The following MEF2C variants were observed in gnomAD, a reference collection of about 807,000 sequenced individuals.
MEF2C encodes the protein myocyte enhancer factor 2C.
In MEF2C, 6 loss-of-function variants were observed where a neutral mutation model predicts 50.5. The ratio of observed to expected loss-of-function variants is 0.12; its 90% confidence interval spans 0.07 to 0.23. MEF2C has a LOEUF of 0.23. Among genes scored for constraint, MEF2C ranks in the 10% least tolerant of loss-of-function variants. The pLI is 1.00. For missense variants in MEF2C, 276 were observed against 605.0 expected (o/e 0.46, Z 5.70); for synonymous variants, 183 against 228.0 (o/e 0.80, Z 1.78).
chr5:88,850,084 C>G (rs116008773), intron 1 of MEF2C, among the ~76,000 whole-genome samples: 2,695 of 140,326 alleles, frequency 0.019, 39 homozygotes, highest in East Asian at 0.081. Flanking sequence ...TATCCCTCCC[C>G]GCCCCCCAAC....
intron 3 of MEF2C, among the ~76,000 whole-genome samples, chr5:88,797,936 T>G (rs1315491251): frequency 6.6e-6 from 1 of 152,252 alleles, no homozygotes; most frequent in Admixed American, 6.5e-5. Flanking sequence ...AATTCTGGGT[T>G]GAAAATTCTT....
chr5:88,751,794 T>C (rs1772875372), intron 5 of MEF2C, 63 bp downstream of exon 5: 2 of 1,534,144 alleles, frequency 1.3e-6, no homozygotes, highest in Non-Finnish European at 1.8e-6. Context: ...AAAGCAGTGT[T>C]GGCTTTGCCG....
intron 1 of MEF2C, among the ~76,000 whole-genome samples, chr5:88,890,081 CA>C (rs1834377531): frequency 6.6e-6 from 1 of 152,118 alleles, no homozygotes; most frequent in African/African-American, 2.4e-5. Context: ...ACACGGGCCC[CA>C]AACTGGATTT....
intron 1 of MEF2C, chr5:88,888,900 A>C (rs1331809215): frequency 6.6e-6 from 1 of 152,210 alleles, no homozygotes; most frequent in East Asian, 1.9e-4. Context: ...AAATTGTTAA[A>C]TGTTGTTCAT....
intron 3 of MEF2C, chr5:88,771,629 C>G: frequency 1.0e-6 from 1 of 985,048 alleles, no homozygotes; most frequent in Non-Finnish European, 1.2e-6. Flanking sequence ...GTGGACTCAA[C>G]CAAGATTCTC....
intron 8 of MEF2C, 130 bp downstream of exon 8, chr5:88,730,081 G>A: frequency 1.3e-6 from 1 of 760,534 alleles, no homozygotes; most frequent in East Asian, 3.1e-5. Context: ...AGAAATTAAT[G>A]GTATTTAAAC....
chr5:88,728,585 A>G lies in MEF2C; in HGVS notation c.1008T>C (p.Phe336=). 1 of 1,531,230 alleles carries G rather than the reference A, an allele frequency of 6.5e-7. No individual in the cohort carries two copies. Among genetic ancestry groups the G allele is most frequent in the South Asian group, 1.3e-5 (1 of 79,750 alleles). The allele number at this position is 1,531,230 out of a possible 1,614,324, so 94.9% of individuals were successfully genotyped here. A position where few individuals can be genotyped will look rare whatever the true frequency, so the allele number is the denominator to read the frequency against. ...CAAGGTGAAGAGCGCTGGCGGTGTT[A>G]AACCCAGACAGAGATGACAGGTCTG... ...SSADLSSLSG[F]NTASALHLGS... Residue 336 remains phenylalanine, a synonymous_variant, in exon 10 of 11, where the codon TTT becomes TTC. Coordinates refer to ENST00000504921, the MANE Select transcript of MEF2C (RefSeq NM_002397.5).
rs529311363 is a variant in MEF2C, at chr5:88,873,551, G to A, written c.-143+9404C>T. ...AAGCTATAAAATGAGAGAAGCGGAG[G>A]GAAAAAATCACATAACGCTCACTCT... On this transcript the variant is annotated intron_variant, in intron 1 of 10. Transcript: ENST00000504921. Among the ~76,000 whole-genome samples the A allele has an allele frequency of 2.4e-3, 360 of 151,854 alleles. 1 individual carries two copies. The highest frequency in any genetic ancestry group is 3.4e-3 in the Non-Finnish European group (229 of 67,844).
intron 3 of MEF2C, among the ~76,000 whole-genome samples, chr5:88,764,831 G>C (rs890949984): frequency 3.4e-5 from 4 of 119,334 alleles, no homozygotes; most frequent in Non-Finnish European, 5.5e-5. Flanking sequence ...AAAAAAAAAA[G>C]AAGTAGAAAT....
At chr5:88,778,624 G>A (rs1488767719) in intron 3 of MEF2C, among the ~76,000 whole-genome samples, 1 of 151,978 alleles carries the variant, frequency 6.6e-6, no homozygotes, top group African/African-American at 2.4e-5. Context: ...CAAAATCATG[G>A]GTATATAATC....
At chr5:88,766,630 T>A in intron 3 of MEF2C, 5 of 985,148 alleles carry the variant, frequency 5.1e-6, no homozygotes, top group Non-Finnish European at 6.0e-6. Context: ...TTCATCATCA[T>A]CCTTTTCCTG....
chr5:88,892,483 C>A (rs79532317), intron 1 of MEF2C, among the ~76,000 whole-genome samples: 2,339 of 152,236 alleles, frequency 0.015, 23 homozygotes, highest in African/African-American at 0.018. Flanking sequence ...CACTTCTATA[C>A]CATTAAGTTC....
At chr5:88,842,541 GA>G (rs368624008) in intron 1 of MEF2C, among the ~76,000 whole-genome samples, 6,183 of 139,078 alleles carry the variant, frequency 0.044, 130 homozygotes, top group African/African-American at 0.045. Context: ...CAACAATATG[GA>G]AAAAAAAAAA....
At chr5:88,825,232 A>G (rs1430355330) in intron 1 of MEF2C, among the ~76,000 whole-genome samples, 2 of 150,716 alleles carry the variant, frequency 1.3e-5, no homozygotes, top group Non-Finnish European at 3.0e-5. Flanking sequence ...TGATTTCTTT[A>G]ATTTAATTTC....
intron 3 of MEF2C, among the ~76,000 whole-genome samples, chr5:88,779,760 G>GTT (rs70996493): frequency 0.54 from 78,912 of 147,084 alleles, 22,479 homozygotes; most frequent in Non-Finnish European, 0.65. Flanking sequence ...GCAAAGTGAG[G>GTT]TTTTTTTTTT....
intron 1 of MEF2C, among the ~76,000 whole-genome samples, chr5:88,846,230 G>A (rs112441191): frequency 0.018 from 2,690 of 152,068 alleles, 77 homozygotes; most frequent in African/African-American, 0.061. Flanking sequence ...ACCACGCCAG[G>A]CTAATTTTTG....
In MEF2C at chr5:88,735,606, A is replaced by G. The variant is rs1681452479; in HGVS notation, c.638-3705T>C. On this transcript the variant is annotated intron_variant, in intron 6 of 10. Transcript: ENST00000504921. ...TAAGCATATATGAGTTAACTTACAT[A>G]AAGGATTAGAGAATCTACCTCTTCT... 17 of 978,128 alleles carry G rather than the reference A, an allele frequency of 1.7e-5. No individual in the cohort carries two copies. In the South Asian group the frequency reaches 4.3e-4, roughly 24 times the overall value. 60.6% of individuals were successfully genotyped at this position (978,128 alleles called of 1,614,324 possible).
chr5:88,819,452 T>C (rs1206986565), intron 2 of MEF2C: 3 of 888,344 alleles, frequency 3.4e-6, no homozygotes, highest in South Asian at 1.0e-4. Context: ...TCTACAGTCA[T>C]ACACCAGGCT....
At chr5:88,846,969 G>A (rs1459062030) in intron 1 of MEF2C, among the ~76,000 whole-genome samples, 2 of 152,166 alleles carry the variant, frequency 1.3e-5, no homozygotes, top group East Asian at 3.8e-4. Context: ...TCTTTCAAAT[G>A]TACATTTGCT....
Sources: gnomAD v4.1 joint callset for allele counts (sites outside exome capture counted in the v4.1 genomes callset) on GRCh38, gnomAD v4.1.1 for gene constraint, MANE v1.5 for transcripts, NCBI Gene and HGNC (gene_info 2026-07-23, HGNC 2026-07-21) for gene names.